Variants in RUNX1 observed in about 807,000 individuals in gnomAD.
RUNX1 encodes runt-related transcription factor 1.
A neutral mutation model predicts 42.8 loss-of-function variants in RUNX1; 19 were observed. The ratio of observed to expected loss-of-function variants is 0.44; its 90% CI spans 0.31 to 0.65. RUNX1 has a LOEUF of 0.65. RUNX1 is among the 30% of genes least tolerant of loss of function. The pLI is 0.07. For missense variants in RUNX1, 528 were observed against 672.0 expected (o/e 0.79, Z 2.37); for synonymous variants, 271 against 289.4 (o/e 0.94, Z 0.64).
At chr21:34,811,092 TC>T (rs2056752306) in intron 7 of RUNX1, among the ~76,000 whole-genome samples, 2 of 152,298 alleles carry the variant, frequency 1.3e-5, no homozygotes, top group South Asian at 4.1e-4. Context: ...CAACACAGAT[TC>T]TGAAAGCTGC....
At chr21:34,915,781 GGTCAGT>G (rs1292025198) in intron 2 of RUNX1, among the ~76,000 whole-genome samples, 1 of 152,074 alleles carries the variant, frequency 6.6e-6, no homozygotes, top group Non-Finnish European at 1.5e-5. Flanking sequence ...ATTTTTCCTA[GGTCAGT>G]GTTATTTTGC....
chr21:35,031,824 T>C (rs1189143353), intron 2 of RUNX1, among the ~76,000 whole-genome samples: 1 of 152,188 alleles, frequency 6.6e-6, no homozygotes, highest in Admixed American at 6.5e-5. Flanking sequence ...AAAAGTTAAA[T>C]CTAAAAAGAC....
At chr21:34,821,969 T>C (rs1348097786) in intron 7 of RUNX1, among the ~76,000 whole-genome samples, 1 of 152,196 alleles carries the variant, frequency 6.6e-6, no homozygotes, top group African/African-American at 2.4e-5. Flanking sequence ...CAACGGCTTC[T>C]CTCATTTAGG....
Position 34,888,555 on chromosome 21 carries a change from A to G in RUNX1, c.98-1459T>C, listed in dbSNP as rs902869839. ...GGTCCAACGCAGGCCAAGGAGAAGCAGCAGAGGTTGACTTCCTTCTGGCGT... is the reference window on the plus strand; with the variant it reads ...GGTCCAACGCAGGCCAAGGAGAAGCGGCAGAGGTTGACTTCCTTCTGGCGT... On this transcript the variant is annotated intron_variant, in intron 3 of 8. Transcript: ENST00000675419. The G allele has an allele frequency of 2.1e-5, 22 of 1,063,662 alleles. No homozygotes were observed. The South Asian group carries it at 8.2e-4, about 40-fold the overall frequency. The allele number at this position is 1,063,662 out of a possible 1,614,324, so 65.9% of individuals were successfully genotyped here.
At chr21:34,904,849 GAGA>G (rs2058205268) in intron 2 of RUNX1, among the ~76,000 whole-genome samples, 1 of 152,316 alleles carries the variant, frequency 6.6e-6, no homozygotes, top group African/African-American at 2.4e-5. Flanking sequence ...TCACGTTTTA[GAGA>G]AGAATATTCT....
chr21:34,867,173 G>T (rs982496054), intron 5 of RUNX1, among the ~76,000 whole-genome samples: 1 of 151,914 alleles, frequency 6.6e-6, no homozygotes, highest in East Asian at 1.9e-4. Context: ...AAGACGGGAG[G>T]ATCACTAGAG....
intron 7 of RUNX1, among the ~76,000 whole-genome samples, chr21:34,816,024 G>A (rs1277204577): frequency 3.3e-5 from 5 of 152,130 alleles, no homozygotes; most frequent in African/African-American, 1.2e-4. Flanking sequence ...GAAAGGGCAG[G>A]TGGTGCCAGC....
chr21:34,945,465 C>T (rs929487442), intron 2 of RUNX1, among the ~76,000 whole-genome samples: 1 of 152,106 alleles, frequency 6.6e-6, no homozygotes, highest in African/African-American at 2.4e-5. Context: ...CCTCATTTTC[C>T]ACCTCCAAAT....
At chr21:34,990,746 C>T (rs1376101093) in intron 2 of RUNX1, among the ~76,000 whole-genome samples, 1 of 152,044 alleles carries the variant, frequency 6.6e-6, no homozygotes, top group Admixed American at 6.5e-5. Flanking sequence ...CACCCACCAC[C>T]ACGCCTGGCT....
At chr21:35,023,677 G>A (rs2242892) in intron 2 of RUNX1, among the ~76,000 whole-genome samples, 8,097 of 152,268 alleles carry the variant, frequency 0.053, 298 homozygotes, top group Non-Finnish European at 0.069. Context: ...AGCTGTGAAT[G>A]CATCTGGATA....
chr21:35,021,581 C>T (rs938851848), intron 2 of RUNX1, among the ~76,000 whole-genome samples: 3 of 152,210 alleles, frequency 2.0e-5, no homozygotes, highest in Non-Finnish European at 2.9e-5. Flanking sequence ...GAGAAATAAA[C>T]CCCTGAAATC....
At chr21:34,987,614 T>C (rs185836070) in intron 2 of RUNX1, among the ~76,000 whole-genome samples, 3 of 152,254 alleles carry the variant, frequency 2.0e-5, no homozygotes, top group Admixed American at 1.3e-4. Context: ...GAGATCTTTA[T>C]GGTTAGGAGG....
intron 2 of RUNX1, among the ~76,000 whole-genome samples, chr21:35,016,739 G>A (rs1280225997): frequency 1.3e-5 from 2 of 152,018 alleles, no homozygotes; most frequent in South Asian, 4.2e-4. Flanking sequence ...GGAATGCTGG[G>A]GACCTCTTAG....
At chr21:34,967,829 C>T (rs943666064) in intron 2 of RUNX1, among the ~76,000 whole-genome samples, 1 of 152,142 alleles carries the variant, frequency 6.6e-6, no homozygotes, top group Non-Finnish European at 1.5e-5. Context: ...CAGCTTCCAT[C>T]GAAGGGAGTG....
In RUNX1 at chr21:34,791,941, C is replaced by T. The variant is rs1342483289; in HGVS notation, c.*194G>A. Reference sequence around the variant, plus strand: ...CCGGGGCGCCAGCAGACGGCGGCGGCGTGGGCTTCTGGGCGCAGGAGGCTG... The same window carrying T: ...CCGGGGCGCCAGCAGACGGCGGCGGTGTGGGCTTCTGGGCGCAGGAGGCTG... On this transcript the variant is annotated 3_prime_UTR_variant, in exon 9 of 9. Transcript: ENST00000675419. 4 of 357,228 alleles carry T rather than the reference C, an allele frequency of 1.1e-5. No homozygotes were observed. The highest frequency in any genetic ancestry group is 2.2e-5 in the African/African-American group (1 of 45,946). The allele number at this position is 357,228 out of a possible 1,614,324, so 22.1% of individuals were successfully genotyped here.
intron 2 of RUNX1, among the ~76,000 whole-genome samples, chr21:34,958,237 C>T (rs1042288466): frequency 1.3e-5 from 2 of 152,068 alleles, no homozygotes; most frequent in South Asian, 2.1e-4. Flanking sequence ...GTGCTTATGG[C>T]GAACCCCTTC....
Position 34,791,035 on chromosome 21 carries a change from G to A in RUNX1, c.*1100C>T, listed in dbSNP as rs923264037. 1 of 233,694 alleles carries A rather than the reference G, an allele frequency of 4.3e-6. No individual in the cohort carries two copies. Among genetic ancestry groups the A allele is most frequent in the South Asian group, 1.8e-4 (1 of 5,530 alleles). The allele number at this position is 233,694 out of a possible 1,614,324, so 14.5% of individuals were successfully genotyped here. On this transcript the variant is annotated 3_prime_UTR_variant, in exon 9 of 9. Transcript: ENST00000675419. ...CTTCTCTGTTTTAAGGAGGAAGTTA[G>A]ATATGAGACCCTTGTTGAGCCTGGC...
At chr21:34,998,245 G>A (rs1194977929) in intron 2 of RUNX1, among the ~76,000 whole-genome samples, 1 of 152,118 alleles carries the variant, frequency 6.6e-6, no homozygotes, top group African/African-American at 2.4e-5. Flanking sequence ...GGAAAAGCAG[G>A]GGGCTTAGGA....
rs1316840951 is a variant in RUNX1, at chr21:34,920,780, T to C, written c.59-27817A>G. On this transcript the variant is annotated intron_variant, in intron 2 of 8. Coordinates refer to ENST00000675419, the MANE Select transcript of RUNX1 (RefSeq NM_001754.5). ...TAAATACCAGGAGCTAAATAAACAT[T>C]TTTTCATGTTTTTTCTAGTTTTATT... Among the ~76,000 whole-genome samples the C allele has an allele frequency of 1.1e-4, 6 of 55,324 alleles. No homozygotes were observed. In the Admixed American group the frequency reaches 1.3e-3, roughly 12 times the overall value. 36.3% of individuals were successfully genotyped at this position (55,324 alleles called of 152,430 possible).
Sources: allele counts gnomAD v4.1 joint callset (sites outside exome capture counted in the v4.1 genomes callset), GRCh38; gene constraint gnomAD v4.1.1; transcripts MANE v1.5; gene names NCBI Gene and HGNC (gene_info 2026-07-23, HGNC 2026-07-21).